The following UBE2H variants were observed in gnomAD, a reference collection of about 807,000 sequenced individuals.
UBE2H encodes the protein ubiquitin-conjugating enzyme E2 H.
A neutral mutation model predicts 29.0 loss-of-function variants in UBE2H; 3 were observed. The ratio of observed to expected loss-of-function variants is 0.10; its 90% CI spans 0.05 to 0.27. The LOEUF is 0.27. Ranked by LOEUF, UBE2H falls within the 10% of genes least tolerant of loss-of-function variation. The pLI, the probability that UBE2H is intolerant of heterozygous loss-of-function variation, is 1.00. For missense variants in UBE2H, 68 were observed against 228.2 expected, an observed-to-expected ratio of 0.30 and a Z score of 4.52; for synonymous variants, 69 against 82.9, an observed-to-expected ratio of 0.83 and a Z score of 0.91.
chr7:129,897,507 G>A (rs1806622302), intron 1 of UBE2H, among the ~76,000 whole-genome samples: 1 of 152,154 alleles, frequency 6.6e-6, no homozygotes, highest in Non-Finnish European at 1.5e-5. Context: ...TTAAAAAGGG[G>A]AAGAGAATAC....
At chr7:129,889,919 G>A (rs1036025429) in intron 1 of UBE2H, among the ~76,000 whole-genome samples, 1 of 152,106 alleles carries the variant, frequency 6.6e-6, no homozygotes, top group Non-Finnish European at 1.5e-5. Flanking sequence ...GAGCCCAGGA[G>A]TTAAGTTAGA....
At chr7:129,908,177 A>G (rs959173555) in intron 1 of UBE2H, among the ~76,000 whole-genome samples, 2 of 152,244 alleles carry the variant, frequency 1.3e-5, no homozygotes, top group Non-Finnish European at 2.9e-5. Flanking sequence ...CCGAAGCACC[A>G]TATCTTAATC....
At chr7:129,860,059 G>A (rs1016762045) in intron 3 of UBE2H, among the ~76,000 whole-genome samples, 1 of 152,232 alleles carries the variant, frequency 6.6e-6, no homozygotes, top group Non-Finnish European at 1.5e-5. Context: ...GATACAGTAG[G>A]CGGAGTAAAA....
chr7:129,875,395 G>A lies in UBE2H; in HGVS notation c.205+4173C>T, dbSNP rs1806126791. On this transcript the variant is annotated intron_variant, in intron 3 of 6. Transcript: ENST00000355621. ...TCACTTAGCTACTTTATCACCGACTGGGTCATTTAGGTTGCTTCTGACTTT... is the reference window on the plus strand; with the variant it reads ...TCACTTAGCTACTTTATCACCGACTAGGTCATTTAGGTTGCTTCTGACTTT... Among the ~76,000 whole-genome samples, 6 of 152,114 alleles carry A rather than the reference G, an allele frequency of 3.9e-5. No homozygotes were observed. In the South Asian group the frequency reaches 1.2e-3, roughly 32 times the overall value.
intron 1 of UBE2H, among the ~76,000 whole-genome samples, chr7:129,913,096 C>CA (rs932508511): frequency 1.3e-5 from 2 of 151,720 alleles, no homozygotes; most frequent in African/African-American, 4.8e-5. Flanking sequence ...ACTAAAAATA[C>CA]AAAAAATTAG....
chr7:129,945,806 T>TCTCAGCTCACCGCAAC (rs1452967811), intron 1 of UBE2H, among the ~76,000 whole-genome samples: 16 of 152,166 alleles, frequency 1.1e-4, no homozygotes, highest in South Asian at 1.0e-3. Flanking sequence ...AATGGCGCAA[T>TCTCAGCTCACCGCAAC]CTCAGCTCAC....
At chr7:129,842,119 A>T (rs893886857) in intron 5 of UBE2H, among the ~76,000 whole-genome samples, 3 of 152,246 alleles carry the variant, frequency 2.0e-5, no homozygotes, top group Non-Finnish European at 2.9e-5. Flanking sequence ...TACTTTTCAC[A>T]TTTCAAATGA....
chr7:129,846,294 G>A lies in UBE2H; in HGVS notation c.299-6959C>T, dbSNP rs544495119. On this transcript the variant is annotated intron_variant, in intron 5 of 6. Coordinates refer to ENST00000355621, the MANE Select transcript of UBE2H (RefSeq NM_003344.4). ...AGGCCAAGGCAGGAAGACGGCCTGA[G>A]CCCAGGAGTTCAATAACAGCCTGGG... 1.2e-4 allele frequency among the ~76,000 whole-genome samples: 18 copies of A among 152,098 alleles called. No individual in the cohort carries two copies. In the East Asian group the frequency reaches 3.5e-3, roughly 29 times the overall value.
At chr7:129,842,887 G>C (rs1805451234) in intron 5 of UBE2H, among the ~76,000 whole-genome samples, 1 of 151,412 alleles carries the variant, frequency 6.6e-6, no homozygotes, top group East Asian at 1.9e-4. Flanking sequence ...TGTGCAACAA[G>C]AGCAAAACTC....
intron 1 of UBE2H, among the ~76,000 whole-genome samples, chr7:129,892,540 C>T (rs1478039300): frequency 6.6e-6 from 1 of 152,186 alleles, no homozygotes; most frequent in Non-Finnish European, 1.5e-5. Flanking sequence ...GTATGACCCA[C>T]CGCATCCAGC....
chr7:129,952,605 G>C lies in UBE2H; in HGVS notation c.-50C>G, dbSNP rs1443351820. 37 of 1,600,654 alleles carry C rather than the reference G, an allele frequency of 2.3e-5. No individual in the cohort carries two copies. The highest frequency in any genetic ancestry group is 3.1e-5 in the Non-Finnish European group (36 of 1,175,254). ...TCCTCGGCCCGTCTGTCACGGGCCC[G>C]GGGCCCCGGCTCTGAGGAGCCCGCG... On this transcript the variant is annotated 5_prime_UTR_variant, in exon 1 of 7. Transcript: ENST00000355621.
intron 1 of UBE2H, among the ~76,000 whole-genome samples, chr7:129,888,842 T>A (rs1469378108): frequency 6.6e-6 from 1 of 152,194 alleles, no homozygotes; most frequent in Non-Finnish European, 1.5e-5. Flanking sequence ...ACACGAGATC[T>A]GTTCATTAAG....
chr7:129,883,675 C>T (rs1442005840), intron 1 of UBE2H, among the ~76,000 whole-genome samples: 1 of 152,200 alleles, frequency 6.6e-6, no homozygotes, highest in Non-Finnish European at 1.5e-5. Flanking sequence ...AACCCTATCT[C>T]TACTAAAAAC....
intron 1 of UBE2H, among the ~76,000 whole-genome samples, chr7:129,934,829 G>C (rs1362289328): frequency 6.6e-6 from 1 of 151,454 alleles, no homozygotes; most frequent in Non-Finnish European, 1.5e-5. Flanking sequence ...CACTTTGGGA[G>C]GCCAAGGTAG....
chr7:129,943,895 A>G (rs1452949024), intron 1 of UBE2H, among the ~76,000 whole-genome samples: 2 of 152,160 alleles, frequency 1.3e-5, no homozygotes, highest in African/African-American at 2.4e-5. Context: ...TAAAAAAGGA[A>G]GATAAAGTGT....
At chr7:129,938,861 C>A (rs765540112) in intron 1 of UBE2H, among the ~76,000 whole-genome samples, 2 of 151,500 alleles carry the variant, frequency 1.3e-5, no homozygotes, top group Non-Finnish European at 2.9e-5. Flanking sequence ...TGCAGTGATG[C>A]GATCTCGGCT....
chr7:129,921,694 C>CACAAA (rs1325226224), intron 1 of UBE2H, among the ~76,000 whole-genome samples: 4 of 68,504 alleles, frequency 5.8e-5, no homozygotes, highest in Non-Finnish European at 6.0e-5. Context: ...GACTCTGTCA[C>CACAAA]AAAAAAAAAA....
chr7:129,860,147 A>G (rs571302087), intron 3 of UBE2H, among the ~76,000 whole-genome samples: 10 of 152,332 alleles, frequency 6.6e-5, no homozygotes, highest in Admixed American at 2.6e-4. Flanking sequence ...GATTGTCTCC[A>G]AAAACCTGAG....
intron 1 of UBE2H, among the ~76,000 whole-genome samples, chr7:129,938,590 GT>G (rs532661361): frequency 9.4e-4 from 111 of 118,158 alleles, no homozygotes; most frequent in African/African-American, 3.0e-3. Flanking sequence ...GCACATGCCT[GT>G]AATCCCAGCT....
Sources: allele counts gnomAD v4.1 joint callset (sites outside exome capture counted in the v4.1 genomes callset), GRCh38; gene constraint gnomAD v4.1.1; transcripts MANE v1.5; gene names NCBI Gene and HGNC (gene_info 2026-07-23, HGNC 2026-07-21).